Variants in NDUFA10 observed in about 807,000 individuals in gnomAD.
NDUFA10 encodes NADH:ubiquinone oxidoreductase subunit A10.
NDUFA10 carries 40 observed loss-of-function variants against 47.8 expected under a neutral mutation model. The observed-to-expected ratio is 0.84, with a 90% CI of 0.65 to 1.09. The LOEUF (loss-of-function observed/expected upper bound fraction) is 1.09, where lower values mean the gene tolerates loss of function less well. Among genes scored for constraint, NDUFA10 ranks in the 50% least tolerant of loss-of-function variants. NDUFA10 has a pLI of 0.00. For synonymous variants in NDUFA10, 183 were observed against 172.2 expected (o/e 1.06, Z -0.49); for missense variants, 413 against 451.1 (o/e 0.92, Z 0.76).
At chr2:239,984,113 A>C (rs1017272433) in intron 9 of NDUFA10, among the ~76,000 whole-genome samples, 1 of 152,038 alleles carries the variant, frequency 6.6e-6, no homozygotes, top group African/African-American at 2.4e-5. Flanking sequence ...GGCACCTATA[A>C]TACCAGCTAC....
At chr2:240,019,767 C>G (rs192853041) in intron 3 of NDUFA10, among the ~76,000 whole-genome samples, 1,314 of 27,004 alleles carry the variant, frequency 0.049, 403 homozygotes, top group Middle Eastern at 0.22. Context: ...TGCAGTGAGC[C>G]GAGATCCCGC....
chr2:239,941,172 A>G (rs1320294987), intron 4 of NDUFA10, among the ~76,000 whole-genome samples: 1 of 152,258 alleles, frequency 6.6e-6, no homozygotes, highest in Admixed American at 6.5e-5. Flanking sequence ...CAATAGACGT[A>G]TGACCCATAA....
intron 6 of NDUFA10, 109 bp downstream of exon 6, chr2:240,011,508 C>A: frequency 2.5e-6 from 2 of 810,016 alleles, no homozygotes; most frequent in Non-Finnish European, 4.3e-6. Context: ...ACATCTCAGA[C>A]AATATCCACT....
rs1467057331 is a variant in NDUFA10, at chr2:240,022,217, A to C, written c.199T>G (p.Cys67Gly). Residue 67 changes from cysteine (C) to glycine (G), a missense_variant, in exon 2 of 10, where the codon TGT becomes GGT. Physicochemically the swap from Cys to Gly is radical, Grantham distance 159. Coordinates refer to ENST00000252711, the MANE Select transcript of NDUFA10 (RefSeq NM_004544.4). ...SRVITVDGNI[C>G]TGKGKLAKEI... ...TTTGCAAGTTTGCCTTTTCCAGTAC[A>C]TATATTGCCATCTACAGTTATCACT... 2 of 1,614,018 alleles carry C rather than the reference A, an allele frequency of 1.2e-6. No individual in the cohort carries two copies. The highest frequency in any genetic ancestry group is 1.7e-6 in the Non-Finnish European group (2 of 1,180,032).
At chr2:239,956,442 G>A (rs933028012), downstream of NDUFA10, among the ~76,000 whole-genome samples, 3 of 152,178 alleles carry the variant, frequency 2.0e-5, no homozygotes, top group South Asian at 2.1e-4. Context: ...CTCTTACAAC[G>A]TCTAAAACAG....
chr2:239,990,273 T>TA (rs1325165598), intron 8 of NDUFA10, 91 bp from the exon 9 acceptor site: 9 of 994,658 alleles, frequency 9.0e-6, no homozygotes, highest in African/African-American at 1.6e-5. Flanking sequence ...AACATCCATA[T>TA]AAAAAATCTA....
At chr2:239,903,908 C>A (rs1693598819) in intron 4 of NDUFA10, among the ~76,000 whole-genome samples, 1 of 152,200 alleles carries the variant, frequency 6.6e-6, no homozygotes, top group Non-Finnish European at 1.5e-5. Context: ...TCATTGAGAT[C>A]AGGTGGGGCA....
intron 8 of NDUFA10, among the ~76,000 whole-genome samples, chr2:239,991,849 C>T (rs4149549): frequency 0.2 from 29,856 of 152,052 alleles, 3,280 homozygotes; most frequent in African/African-American, 0.3. Context: ...CTAGAAAATG[C>T]GAAAGCAATC....
intron 6 of NDUFA10, 60 bp downstream of exon 6, chr2:240,011,557 C>A: frequency 1.5e-6 from 2 of 1,346,404 alleles, no homozygotes; most frequent in Admixed American, 1.7e-5. Flanking sequence ...GCTGTTGGGG[C>A]CTAAGAAACG....
chr2:239,896,040 T>C (rs962458233), intron 4 of NDUFA10, among the ~76,000 whole-genome samples: 1 of 152,252 alleles, frequency 6.6e-6, no homozygotes, highest in Non-Finnish European at 1.5e-5. Context: ...CACTGCCTTC[T>C]TTCTACATTT....
At chr2:240,013,024 G>A (rs1697199770) in intron 5 of NDUFA10, 2 of 152,232 alleles carry the variant, frequency 1.3e-5, no homozygotes, top group Admixed American at 1.3e-4. Flanking sequence ...AAGATTAAAT[G>A]TTAACTGATT....
At chr2:239,913,899 G>A (rs1574774018) in intron 4 of NDUFA10, among the ~76,000 whole-genome samples, 1 of 152,352 alleles carries the variant, frequency 6.6e-6, no homozygotes, top group Middle Eastern at 3.4e-3. Context: ...AGAGCGTCCT[G>A]TTGTCATCCA....
chr2:239,932,138 C>T (rs1381976999), intron 4 of NDUFA10, among the ~76,000 whole-genome samples: 2 of 152,076 alleles, frequency 1.3e-5, no homozygotes, highest in African/African-American at 4.8e-5. Flanking sequence ...CCGGCCTGCA[C>T]CTCTGCTCCT....
In NDUFA10 at chr2:240,021,468, G is replaced by C. The variant is rs1035911308; in HGVS notation, c.245-56C>G. 4 of 1,499,942 alleles carry C rather than the reference G, an allele frequency of 2.7e-6. No homozygotes were observed. The African/African-American group carries it at 5.5e-5, about 21-fold the overall frequency. The allele number at this position is 1,499,942 out of a possible 1,614,324, so 92.9% of individuals were successfully genotyped here. The stretch of plus-strand genomic sequence containing the variant: ...ATGCACATCACTCACTCCCCGCAGG[G>C]AGCAGTGGGGACTAGCCAAAACACA... On this transcript the variant is annotated intron_variant, in intron 2 of 9. Transcript: ENST00000252711.
chr2:239,910,139 T>C (rs1282686176), intron 4 of NDUFA10, among the ~76,000 whole-genome samples: 2 of 152,160 alleles, frequency 1.3e-5, no homozygotes, highest in Non-Finnish European at 2.9e-5. Context: ...AGTTCAACCA[T>C]TGTGGAAGAC....
chr2:239,932,463 G>A (rs778672557), intron 4 of NDUFA10, among the ~76,000 whole-genome samples: 14 of 152,340 alleles, frequency 9.2e-5, no homozygotes, highest in Middle Eastern at 3.4e-3. Flanking sequence ...CCGCAAGCCC[G>A]CAGGCGTGTA....
intron 4 of NDUFA10, among the ~76,000 whole-genome samples, chr2:240,015,577 G>C (rs745394382): frequency 9.2e-5 from 14 of 152,318 alleles, no homozygotes; most frequent in Non-Finnish European, 1.8e-4. Flanking sequence ...AGCAGCTAAG[G>C]CTGAGGAATA....
intron 8 of NDUFA10, among the ~76,000 whole-genome samples, chr2:239,999,110 T>C (rs1217840312): frequency 6.6e-6 from 1 of 152,102 alleles, no homozygotes. Context: ...AAGCGGGGAC[T>C]CCAGGAATTC....
chr2:239,927,536 T>A (rs2106371074), intron 4 of NDUFA10, among the ~76,000 whole-genome samples: 1 of 152,290 alleles, frequency 6.6e-6, no homozygotes, highest in African/African-American at 2.4e-5. Flanking sequence ...TCAGGATGTA[T>A]CCCCGTCATT....
Sources: gnomAD v4.1 joint callset for allele counts (sites outside exome capture counted in the v4.1 genomes callset) on GRCh38, gnomAD v4.1.1 for gene constraint, MANE v1.5 for transcripts, NCBI Gene and HGNC (gene_info 2026-07-23, HGNC 2026-07-21) for gene names.